ENTHD1: variants seen among roughly 807,000 people sequenced by gnomAD.
ENTHD1 encodes the protein ENTH domain containing 1, also known as ENTH domain-containing protein 1.
A neutral mutation model predicts 39.1 loss-of-function variants in ENTHD1; 23 were observed. The observed-to-expected ratio is 0.59, with a 90% CI of 0.42 to 0.83. The LOEUF is 0.83. Among genes scored for constraint, ENTHD1 ranks in the 40% least tolerant of loss-of-function variants. The pLI, the probability that ENTHD1 is intolerant of heterozygous loss-of-function variation, is 0.00. For missense variants in ENTHD1, 624 were observed against 705.4 expected (o/e 0.88, Z 1.31); for synonymous variants, 230 against 258.2 (o/e 0.89, Z 1.05).
intron 5 of ENTHD1, among the ~76,000 whole-genome samples, chr22:39,815,494 A>G (rs2065726610): frequency 6.6e-6 from 1 of 152,106 alleles, no homozygotes; most frequent in South Asian, 2.1e-4. Context: ...TACCCACCCA[A>G]TAGACTGGAT....
chr22:39,776,420 G>T (rs2065366008), intron 5 of ENTHD1, among the ~76,000 whole-genome samples: 1 of 152,122 alleles, frequency 6.6e-6, no homozygotes, highest in African/African-American at 2.4e-5. Context: ...TGTTCTCGAG[G>T]ATCTATCCAG....
At chr22:39,777,695 T>G (rs1035825507) in intron 5 of ENTHD1, among the ~76,000 whole-genome samples, 3 of 152,196 alleles carry the variant, frequency 2.0e-5, no homozygotes, top group African/African-American at 7.2e-5. Flanking sequence ...AAGACTTTCC[T>G]GCCATTAAAA....
At chr22:39,804,169 A>T (rs1182604211) in intron 5 of ENTHD1, among the ~76,000 whole-genome samples, 1 of 151,706 alleles carries the variant, frequency 6.6e-6, no homozygotes, top group African/African-American at 2.4e-5. Context: ...GTCTCAAAAA[A>T]AAGAAAAGAA....
At chr22:39,883,003 CAAAAAAAAAAA>C (rs58964198) in intron 2 of ENTHD1, among the ~76,000 whole-genome samples, 4 of 48,288 alleles carry the variant, frequency 8.3e-5, no homozygotes, top group South Asian at 9.7e-4. Flanking sequence ...GACTTCATCT[CAAAAAAAAAAA>C]AAAAAAAAAA....
intron 6 of ENTHD1, among the ~76,000 whole-genome samples, chr22:39,760,938 C>T (rs1476640765): frequency 6.6e-6 from 1 of 151,952 alleles, no homozygotes; most frequent in Non-Finnish European, 1.5e-5. Context: ...ATGTTTTAAA[C>T]CCCAAAATAC....
At chr22:39,786,517 A>C (rs1002029031) in intron 5 of ENTHD1, among the ~76,000 whole-genome samples, 11 of 152,032 alleles carry the variant, frequency 7.2e-5, no homozygotes, top group African/African-American at 2.4e-4. Flanking sequence ...ATGATGTTAG[A>C]CCTCACTCCA....
chr22:39,795,857 A>G (rs2065545074), intron 5 of ENTHD1, among the ~76,000 whole-genome samples: 2 of 152,196 alleles, frequency 1.3e-5, no homozygotes, highest in South Asian at 4.2e-4. Context: ...ATTTATCAGC[A>G]TATAGTTGTT....
At chr22:39,880,488 T>G (rs1367306306) in intron 2 of ENTHD1, among the ~76,000 whole-genome samples, 1 of 152,094 alleles carries the variant, frequency 6.6e-6, no homozygotes, top group Non-Finnish European at 1.5e-5. Flanking sequence ...TGGGTAAAAA[T>G]GATACATAAC....
rs574282811 is a variant in ENTHD1 at position 39,827,470 on chromosome 22, A to T, written c.712-6357T>A. Reference sequence around the variant, plus strand: ...AGGAAGTGGGCTAATTCTCTAATACACAAATTGCTCTTAGGAATTGCTAAG... The same window carrying T: ...AGGAAGTGGGCTAATTCTCTAATACTCAAATTGCTCTTAGGAATTGCTAAG... On this transcript the variant is annotated intron_variant, in intron 4 of 6. Coordinates refer to ENST00000325157, the MANE Select transcript of ENTHD1 (RefSeq NM_152512.4). 2.0e-5 allele frequency among the ~76,000 whole-genome samples: 3 copies of T among 152,342 alleles called. No homozygotes were observed. In the South Asian group the frequency reaches 6.2e-4, roughly 32 times the overall value.
At chr22:39,844,917 C>A (rs149705592) in intron 3 of ENTHD1, among the ~76,000 whole-genome samples, 3 of 152,078 alleles carry the variant, frequency 2.0e-5, no homozygotes, top group Non-Finnish European at 2.9e-5. Flanking sequence ...GGATCTAAAG[C>A]TTGAAGGCAT....
intron 5 of ENTHD1, among the ~76,000 whole-genome samples, chr22:39,812,875 C>A (rs2146635740): frequency 6.6e-6 from 1 of 152,306 alleles, no homozygotes; most frequent in South Asian, 2.1e-4. Flanking sequence ...CTCTGCCTCC[C>A]AGGCTCAAGC....
intron 5 of ENTHD1, among the ~76,000 whole-genome samples, chr22:39,782,821 T>C (rs1054149489): frequency 6.6e-6 from 1 of 152,136 alleles, no homozygotes; most frequent in Non-Finnish European, 1.5e-5. Flanking sequence ...ACAGCTAACA[T>C]TGTACTGAAC....
At chr22:39,886,298 A>G (rs2066378915) in intron 2 of ENTHD1, among the ~76,000 whole-genome samples, 1 of 152,104 alleles carries the variant, frequency 6.6e-6, no homozygotes, top group South Asian at 2.1e-4. Flanking sequence ...GGACATATCT[A>G]CTCTGTATGA....
At chr22:39,823,024 A>G (rs2065795268) in intron 4 of ENTHD1, among the ~76,000 whole-genome samples, 1 of 152,216 alleles carries the variant, frequency 6.6e-6, no homozygotes, top group African/African-American at 2.4e-5. Context: ...ATGCCCTTTC[A>G]TAGACATACA....
At chr22:39,831,959 A>G (rs2065872793) in intron 4 of ENTHD1, among the ~76,000 whole-genome samples, 1 of 152,250 alleles carries the variant, frequency 6.6e-6, no homozygotes, top group African/African-American at 2.4e-5. Flanking sequence ...CAGATATGAA[A>G]TAAGTACAAA....
rs149179603 is a variant in ENTHD1 at position 39,826,308 on chromosome 22, G to A, written c.712-5195C>T. ...TTTGTCTTTGCCAGTCTTGTTAGAGGTTTATCAACTTTTATTGTTTTTTAA... is the reference window on the plus strand; with the variant it reads ...TTTGTCTTTGCCAGTCTTGTTAGAGATTTATCAACTTTTATTGTTTTTTAA... On this transcript the variant is annotated intron_variant, in intron 4 of 6. Coordinates refer to ENST00000325157, the MANE Select transcript of ENTHD1 (RefSeq NM_152512.4). Among the ~76,000 whole-genome samples, 942 of 151,652 alleles carry A rather than the reference G, an allele frequency of 6.2e-3. 8 individuals are homozygous for A. Among genetic ancestry groups the A allele is most frequent in the African/African-American group, 0.021 (885 of 41,388 alleles).
chr22:39,872,037 C>A (rs1022623667), intron 2 of ENTHD1, among the ~76,000 whole-genome samples: 7 of 152,208 alleles, frequency 4.6e-5, no homozygotes, highest in African/African-American at 1.4e-4. Context: ...ATCTAATCCA[C>A]CATCATATAT....
chr22:39,871,729 G>T (rs1487553115), intron 2 of ENTHD1, among the ~76,000 whole-genome samples: 1 of 152,150 alleles, frequency 6.6e-6, no homozygotes, highest in Non-Finnish European at 1.5e-5. Context: ...TTCATGCTTT[G>T]CTTCTTGCTA....
rs751042972 is a variant in ENTHD1, at chr22:39,743,674, G to C, written c.*5C>G. 3 of 1,578,048 alleles carry C rather than the reference G, an allele frequency of 1.9e-6. No individual in the cohort carries two copies. The highest frequency in any genetic ancestry group is 2.6e-6 in the Non-Finnish European group (3 of 1,163,024). On this transcript the variant is annotated 3_prime_UTR_variant, in exon 7 of 7. Transcript: ENST00000325157. The stretch of plus-strand genomic sequence containing the variant: ...GAGTTCTATCAAAAATAGATATTGT[G>C]ATGATTAGATCTGATCTGAGCTCCC...
Sources: allele counts gnomAD v4.1 joint callset (sites outside exome capture counted in the v4.1 genomes callset), GRCh38; gene constraint gnomAD v4.1.1; transcripts MANE v1.5; gene names NCBI Gene and HGNC (gene_info 2026-07-23, HGNC 2026-07-21).